HSPBAP1: variants seen among roughly 807,000 people sequenced by gnomAD.
HSPBAP1 encodes the protein HSPB1-associated protein 1.
HSPBAP1 carries 27 observed loss-of-function variants against 45.2 expected under a neutral mutation model. The observed-to-expected ratio is 0.60, with a 90% CI of 0.44 to 0.82. HSPBAP1 has a LOEUF of 0.82. Among genes scored for constraint, HSPBAP1 ranks in the 40% least tolerant of loss-of-function variants. HSPBAP1 has a pLI of 0.00. For synonymous variants in HSPBAP1, 204 were observed against 202.7 expected (o/e 1.01, Z -0.06); for missense variants, 510 against 590.9 (o/e 0.86, Z 1.42).
chr3:122,751,478 C>A (rs569252122), intron 6 of HSPBAP1, among the ~76,000 whole-genome samples: 48 of 152,220 alleles, frequency 3.2e-4, no homozygotes, highest in African/African-American at 1.1e-3. Context: ...GAAAAAATCA[C>A]CCATAAAAAC....
At chr3:122,770,244 T>C (rs541983467) in intron 2 of HSPBAP1, among the ~76,000 whole-genome samples, 1 of 152,246 alleles carries the variant, frequency 6.6e-6, no homozygotes, top group Non-Finnish European at 1.5e-5. Context: ...TCATCCACTT[T>C]AACTTGTCAC....
chr3:122,761,052 GC>G (rs1436060531), intron 3 of HSPBAP1, among the ~76,000 whole-genome samples: 4 of 152,248 alleles, frequency 2.6e-5, no homozygotes, highest in East Asian at 1.9e-4. Flanking sequence ...CAGCAGGAGG[GC>G]CCTGCACCCA....
At chr3:122,753,636 G>T in intron 5 of HSPBAP1, 1 of 985,016 alleles carries the variant, frequency 1.0e-6, no homozygotes, top group Non-Finnish European at 1.2e-6. Context: ...TGGAAATGAT[G>T]TGAAGCTTTT....
In HSPBAP1 at chr3:122,781,004, G is replaced by A. The variant is rs867239009; in HGVS notation, c.65-3098C>T. On this transcript the variant is annotated intron_variant, in intron 1 of 7. Coordinates refer to ENST00000306103, the MANE Select transcript of HSPBAP1 (RefSeq NM_024610.6). ...TCACTTCCTAGATGTGATGGCAGCC[G>A]GGAAGAGGCGCTCCTCACTTCCTAG... 3.3e-3 allele frequency among the ~76,000 whole-genome samples: 487 copies of A among 149,522 alleles called. 6 individuals are homozygous for A. Among genetic ancestry groups the A allele is most frequent in the African/African-American group, 0.01 (411 of 40,520 alleles).
chr3:122,747,042 G>A (rs1933894993), intron 6 of HSPBAP1, among the ~76,000 whole-genome samples: 1 of 152,102 alleles, frequency 6.6e-6, no homozygotes, highest in Non-Finnish European at 1.5e-5. Flanking sequence ...GCCTCCCAAA[G>A]TGCCGAGATT....
chr3:122,762,877 T>C (rs1934648388), intron 3 of HSPBAP1, among the ~76,000 whole-genome samples: 1 of 152,236 alleles, frequency 6.6e-6, no homozygotes, highest in Non-Finnish European at 1.5e-5. Flanking sequence ...GTCAATTAAA[T>C]CAAGTTGATT....
intron 1 of HSPBAP1, among the ~76,000 whole-genome samples, chr3:122,790,752 T>G (rs1246150416): frequency 6.6e-6 from 1 of 152,040 alleles, no homozygotes; most frequent in Non-Finnish European, 1.5e-5. Flanking sequence ...GAGGCTGAGG[T>G]GGGAGCATCA....
intron 6 of HSPBAP1, among the ~76,000 whole-genome samples, chr3:122,748,197 A>C (rs1933986575): frequency 6.6e-6 from 1 of 152,124 alleles, no homozygotes; most frequent in Non-Finnish European, 1.5e-5. Context: ...GCTCGTTGAG[A>C]GTCATCACCA....
chr3:122,779,106 A>C (rs1384907530), intron 1 of HSPBAP1, among the ~76,000 whole-genome samples: 1 of 151,060 alleles, frequency 6.6e-6, no homozygotes, highest in African/African-American at 2.4e-5. Context: ...GCAGTGGCGC[A>C]GTCTCGGCTC....
At chr3:122,754,874 T>C in intron 5 of HSPBAP1, 1 of 992,610 alleles carries the variant, frequency 1.0e-6, no homozygotes, top group Non-Finnish European at 1.2e-6. Flanking sequence ...TGTTTATGTG[T>C]CTGGGTTCAG....
In HSPBAP1 at chr3:122,755,168, C is replaced by A. The variant is rs375631186; in HGVS notation, c.741+92G>T. The A allele has an allele frequency of 1.1e-5, 14 of 1,263,674 alleles. No homozygotes were observed. The East Asian group carries it at 2.5e-4, about 23-fold the overall frequency. The allele number at this position is 1,263,674 out of a possible 1,614,324, so 78.3% of individuals were successfully genotyped here. On this transcript the variant is annotated intron_variant, in intron 5 of 7. Transcript: ENST00000306103. ...AAGGAAGCCATTCTCATTTGCACTG[C>A]GCAGGGAGGGGAAGCACACAGCATA...
chr3:122,758,110 ATAATCCTTTTCACATCTAATAG>A (rs140593395), intron 4 of HSPBAP1, among the ~76,000 whole-genome samples: 7,701 of 152,332 alleles, frequency 0.051, 266 homozygotes, highest in Middle Eastern at 0.11. Flanking sequence ...GAATCTGCTC[ATAATCCTTTTCACATCTAATAG>A]GTCTGAGAAC....
At chr3:122,782,216 C>T (rs949486152) in intron 1 of HSPBAP1, among the ~76,000 whole-genome samples, 1 of 152,060 alleles carries the variant, frequency 6.6e-6, no homozygotes, top group African/African-American at 2.4e-5. Flanking sequence ...CAGGTTAATG[C>T]CAGAAAGACT....
chr3:122,753,834 T>C (rs980702715), intron 5 of HSPBAP1: 10 of 984,782 alleles, frequency 1.0e-5, no homozygotes, highest in Non-Finnish European at 8.4e-6. Context: ...TTTGAGTGGA[T>C]TAAAGAATGG....
At chr3:122,750,553 A>ATCTATCTATCTATCTAATCT (rs56143835) in intron 6 of HSPBAP1, among the ~76,000 whole-genome samples, 4 of 86,410 alleles carry the variant, frequency 4.6e-5, no homozygotes, top group Non-Finnish European at 1.1e-4. Context: ...CTATCTATCT[A>ATCTATCTATCTATCTAATCT]ATCTATCTAT....
At chr3:122,778,516 T>TA (rs1457650148) in intron 1 of HSPBAP1, among the ~76,000 whole-genome samples, 2 of 97,358 alleles carry the variant, frequency 2.1e-5, no homozygotes, top group Admixed American at 1.0e-4. Flanking sequence ...GTATTTCTTT[T>TA]TTTTTTATTT....
intron 2 of HSPBAP1, among the ~76,000 whole-genome samples, chr3:122,772,398 A>G (rs1052335412): frequency 6.6e-6 from 1 of 152,202 alleles, no homozygotes; most frequent in African/African-American, 2.4e-5. Context: ...AATACATACC[A>G]GAACTAAAAT....
At chr3:122,747,782 C>A (rs1317233155) in intron 6 of HSPBAP1, among the ~76,000 whole-genome samples, 1 of 150,874 alleles carries the variant, frequency 6.6e-6, no homozygotes, top group Non-Finnish European at 1.5e-5. Context: ...CCCGCCCGGC[C>A]AGCCGCCCCG....
intron 6 of HSPBAP1, among the ~76,000 whole-genome samples, chr3:122,742,903 T>C (rs574631527): frequency 1.3e-5 from 2 of 152,238 alleles, no homozygotes; most frequent in Non-Finnish European, 2.9e-5. Flanking sequence ...CAGACATTTC[T>C]ATCTATGTAT....
Sources: allele counts gnomAD v4.1 joint callset (sites outside exome capture counted in the v4.1 genomes callset), GRCh38; gene constraint gnomAD v4.1.1; transcripts MANE v1.5; gene names NCBI Gene and HGNC (gene_info 2026-07-23, HGNC 2026-07-21).